Variants in DLGAP2 observed in about 807,000 individuals in gnomAD.
DLGAP2 encodes DLG associated protein 2, also known as disks large-associated protein 2.
A neutral mutation model predicts 100.3 loss-of-function variants in DLGAP2; 26 were observed. That is an observed-to-expected ratio of 0.26 (90% confidence interval 0.19 to 0.36). The LOEUF (loss-of-function observed/expected upper bound fraction) is 0.36, where lower values mean the gene tolerates loss of function less well. DLGAP2 is among the 10% of genes least tolerant of loss of function. The pLI is 1.00. For synonymous variants in DLGAP2, 886 were observed against 630.1 expected, an observed-to-expected ratio of 1.41 and a Z score of -6.08; for missense variants, 1,858 against 1,453.2, an observed-to-expected ratio of 1.28 and a Z score of -4.53.
chr8:1,675,486 C>T (rs533096971), intron 10 of DLGAP2, among the ~76,000 whole-genome samples: 1 of 152,352 alleles, frequency 6.6e-6, no homozygotes, highest in Non-Finnish European at 1.5e-5. Flanking sequence ...ATCAGTACCT[C>T]TCTTAGCCAC....
At chr8:1,415,766 A>G (rs1796866366) in intron 3 of DLGAP2, among the ~76,000 whole-genome samples, 1 of 152,208 alleles carries the variant, frequency 6.6e-6, no homozygotes, top group Non-Finnish European at 1.5e-5. Context: ...CTTGTGAACC[A>G]TGCTGCAGTG....
intron 2 of DLGAP2, among the ~76,000 whole-genome samples, chr8:1,174,601 C>G (rs1252350197): frequency 6.6e-6 from 1 of 151,788 alleles, no homozygotes. Context: ...TCGTCATCAT[C>G]ATTACATCAC....
In DLGAP2 at chr8:1,287,283, G is replaced by T. The variant is rs1052607334; in HGVS notation, c.106+28400G>T. On this transcript the variant is annotated intron_variant, in intron 3 of 14. Coordinates refer to ENST00000637795, the MANE Select transcript of DLGAP2 (RefSeq NM_001346810.2). ...AGTTCAGCGTGTGTGTGTGTGTGTG[G>T]TTGTTAGGAGGGGAACTAGTTTCGG... Among the ~76,000 whole-genome samples the T allele has an allele frequency of 9.9e-3, 69 of 6,986 alleles. 3 individuals carry two copies. The highest frequency in any genetic ancestry group is 0.019 in the African/African-American group (11 of 576). 4.6% of individuals were successfully genotyped at this position (6,986 alleles called of 152,430 possible).
At chr8:1,536,140 C>G (rs896455410) in intron 4 of DLGAP2, among the ~76,000 whole-genome samples, 1 of 152,128 alleles carries the variant, frequency 6.6e-6, no homozygotes, top group Non-Finnish European at 1.5e-5. Flanking sequence ...CCTGAGTATT[C>G]AGGAGAACTG....
chr8:1,339,100 G>A (rs554089404), intron 3 of DLGAP2, among the ~76,000 whole-genome samples: 3 of 151,070 alleles, frequency 2.0e-5, no homozygotes, highest in East Asian at 2.0e-4. Flanking sequence ...TGACCTCAGC[G>A]TGGCGTCAGG....
intron 3 of DLGAP2, among the ~76,000 whole-genome samples, chr8:1,359,422 A>T (rs1464201972): frequency 2.6e-5 from 4 of 152,260 alleles, no homozygotes; most frequent in African/African-American, 7.2e-5. Context: ...TTTTTAAAAC[A>T]GGAAGTAAGG....
At chr8:1,491,684 T>C (rs1488896513) in intron 3 of DLGAP2, among the ~76,000 whole-genome samples, 1 of 152,260 alleles carries the variant, frequency 6.6e-6, no homozygotes, top group Non-Finnish European at 1.5e-5. Context: ...GTGTCACTTT[T>C]CATGCGAACA....
intron 2 of DLGAP2, chr8:1,002,825 C>T (rs1800999186): frequency 6.6e-6 from 1 of 152,342 alleles, no homozygotes; most frequent in Non-Finnish European, 1.5e-5. Context: ...TTGACCGAGT[C>T]CTGGACTAGG....
At chr8:1,630,469 G>C (rs181199288) in intron 7 of DLGAP2, among the ~76,000 whole-genome samples, 2,591 of 152,234 alleles carry the variant, frequency 0.017, 62 homozygotes, top group African/African-American at 0.058. Context: ...TTGGGAGGCC[G>C]AGGTGGGTGG....
At chr8:1,436,452 GA>G (rs1223929050) in intron 3 of DLGAP2, among the ~76,000 whole-genome samples, 1 of 152,134 alleles carries the variant, frequency 6.6e-6, no homozygotes, top group African/African-American at 2.4e-5. Context: ...TGCCCACCCA[GA>G]CTGAGGGTGG....
chr8:1,516,270 A>G (rs1436757311), intron 4 of DLGAP2, among the ~76,000 whole-genome samples: 3 of 151,916 alleles, frequency 2.0e-5, no homozygotes, highest in East Asian at 3.9e-4. Flanking sequence ...AGAGCACACA[A>G]ATGAGTGACT....
intron 3 of DLGAP2, among the ~76,000 whole-genome samples, chr8:1,456,296 C>A (rs114860791): frequency 0.017 from 2,592 of 152,324 alleles, 66 homozygotes; most frequent in African/African-American, 0.059. Flanking sequence ...TTTCTACACA[C>A]ACGCTTCTCC....
rs760562063 is a variant in DLGAP2 at position 1,548,772 on chromosome 8, T to G, written c.319T>G (p.Cys107Gly). 6.3e-7 allele frequency: 1 copy of G among 1,596,874 alleles called. No homozygotes were observed. The highest frequency in any genetic ancestry group is 1.3e-5 in the African/African-American group (1 of 74,582). ...GTGTGGTCTGGCGCCCCCGGAGGAC[T>G]GCGAGCACCTGCACCACGGGCCCGA... is the stretch of plus-strand genomic sequence containing the variant. ...HTCGLAPPED[C>G]EHLHHGPDAR... The change falls in exon 5 of 15, where the codon TGC becomes GGC. Residue 107 changes from cysteine (C) to glycine (G), a missense_variant. By Grantham distance (159) the Cys-to-Gly change is radical. Transcript: ENST00000637795.
intron 8 of DLGAP2, among the ~76,000 whole-genome samples, chr8:1,647,787 T>C (rs889751574): frequency 7.2e-5 from 11 of 152,318 alleles, no homozygotes; most frequent in Non-Finnish European, 4.4e-5. Context: ...GCCTGGCTTA[T>C]GAACCCCAGA....
chr8:1,155,008 C>G (rs923859492), intron 2 of DLGAP2, among the ~76,000 whole-genome samples: 3 of 152,222 alleles, frequency 2.0e-5, no homozygotes, highest in African/African-American at 7.2e-5. Flanking sequence ...CCCTCCCTCC[C>G]ATCCTGCTTC....
At chr8:801,630 G>A (rs1796153753) in intron 1 of DLGAP2, among the ~76,000 whole-genome samples, 1 of 152,156 alleles carries the variant, frequency 6.6e-6, no homozygotes, top group Non-Finnish European at 1.5e-5. Flanking sequence ...TGGGGCTGCT[G>A]GGATGGGCTT....
intron 3 of DLGAP2, among the ~76,000 whole-genome samples, chr8:1,408,772 C>G (rs1022299186): frequency 1.3e-5 from 2 of 152,102 alleles, no homozygotes; most frequent in African/African-American, 4.8e-5. Context: ...CTCGTGGCAG[C>G]TCTACCACCA....
chr8:1,361,641 C>T lies in DLGAP2; in HGVS notation c.106+102758C>T, dbSNP rs990192051. 4.6e-5 allele frequency among the ~76,000 whole-genome samples: 7 copies of T among 152,176 alleles called. 1 individual carries two copies. The highest frequency in any genetic ancestry group is 1.7e-4 in the African/African-American group (7 of 41,440). On this transcript the variant is annotated intron_variant, in intron 3 of 14. Transcript: ENST00000637795. ...CATCGTTTAAACGGAGCATGGGAGC[C>T]CCCCTGGGTCTGACTATTAGCTTTC...
At chr8:1,052,740 T>C (rs1802757657) in intron 2 of DLGAP2, among the ~76,000 whole-genome samples, 1 of 152,130 alleles carries the variant, frequency 6.6e-6, no homozygotes, top group South Asian at 2.1e-4. Context: ...GGAGGGGTTT[T>C]CTAGGGGCTC....
Sources: gnomAD v4.1 joint callset for allele counts (sites outside exome capture counted in the v4.1 genomes callset) on GRCh38, gnomAD v4.1.1 for gene constraint, MANE v1.5 for transcripts, NCBI Gene and HGNC (gene_info 2026-07-23, HGNC 2026-07-21) for gene names.